Variants in SLC12A2 observed in about 807,000 individuals in gnomAD.
The protein encoded by SLC12A2 is Na-K-2Cl cotransporter 1.
A neutral mutation model predicts 136.3 loss-of-function variants in SLC12A2; 67 were observed. The ratio of observed to expected loss-of-function variants is 0.49; its 90% CI spans 0.40 to 0.60. The LOEUF is 0.60. Among genes scored for constraint, SLC12A2 ranks in the 20% least tolerant of loss-of-function variants. The pLI, the probability that SLC12A2 is intolerant of heterozygous loss-of-function variation, is 0.00. For synonymous variants in SLC12A2, 619 were observed against 562.9 expected, an observed-to-expected ratio of 1.10 and a Z score of -1.41; for missense variants, 1,322 against 1,534.7, an observed-to-expected ratio of 0.86 and a Z score of 2.32.
At chr5:128,130,780 C>T (rs528471337) in intron 4 of SLC12A2, among the ~76,000 whole-genome samples, 187 of 152,000 alleles carry the variant, frequency 1.2e-3, no homozygotes, top group Admixed American at 2.0e-3. Flanking sequence ...GGGGAGGAGG[C>T]TGTGGCCCAT....
At chr5:128,181,091 C>T in intron 23 of SLC12A2, 97 bp downstream of exon 23, 1 of 806,514 alleles carries the variant, frequency 1.2e-6, no homozygotes, top group East Asian at 2.5e-5. Context: ...CAGAAAATGT[C>T]TATTATCTTG....
At chr5:128,154,219 AG>A (rs1762801545) in intron 15 of SLC12A2, among the ~76,000 whole-genome samples, 1 of 152,102 alleles carries the variant, frequency 6.6e-6, no homozygotes, top group African/African-American at 2.4e-5. Context: ...GGAGACCAGC[AG>A]TTTGAGACCA....
Position 128,151,386 on chromosome 5 carries a change from C to T in SLC12A2, c.2253C>T (p.Tyr751=). 3 of 1,606,218 alleles carry T rather than the reference C, an allele frequency of 1.9e-6. No homozygotes were observed. The highest frequency in any genetic ancestry group is 2.5e-6 in the Non-Finnish European group (3 of 1,177,834). ...TTGGGCTGTATATTTATGTTACCTA[C>T]AAAAAACCAGGTCAGTAGCCTTTTT... ...IVLGLYIYVT[Y]KKPDVNWGSS... Residue 751 remains tyrosine, a synonymous_variant, in exon 14 of 27, where the codon TAC becomes TAT. Coordinates refer to ENST00000262461, the MANE Select transcript of SLC12A2 (RefSeq NM_001046.3).
chr5:128,168,045 G>T, intron 18 of SLC12A2, 178 bp downstream of exon 18: 2 of 486,696 alleles, frequency 4.1e-6, no homozygotes, highest in Admixed American at 3.9e-5. Context: ...ATTTTTTATT[G>T]ATCTTTATAT....
At chr5:128,113,359 A>G (rs918162925) in intron 2 of SLC12A2, among the ~76,000 whole-genome samples, 2 of 152,198 alleles carry the variant, frequency 1.3e-5, no homozygotes, top group Non-Finnish European at 2.9e-5. Context: ...AGAGAAGCGT[A>G]TGGAAGTTAA....
chr5:128,123,964 A>C (rs1761684439), intron 4 of SLC12A2, among the ~76,000 whole-genome samples: 1 of 152,140 alleles, frequency 6.6e-6, no homozygotes, highest in African/African-American at 2.4e-5. Context: ...TTTTGTATAT[A>C]TTGTGAAATG....
intron 1 of SLC12A2, among the ~76,000 whole-genome samples, chr5:128,087,515 G>C (rs1760145340): frequency 6.6e-6 from 1 of 152,198 alleles, no homozygotes; most frequent in Non-Finnish European, 1.5e-5. Flanking sequence ...AGGGTAAGTT[G>C]ATGATTGGGT....
chr5:128,094,878 G>A (rs1581051947), intron 1 of SLC12A2, among the ~76,000 whole-genome samples: 1 of 152,026 alleles, frequency 6.6e-6, no homozygotes, highest in East Asian at 1.9e-4. Context: ...AGTTACTTGA[G>A]TCACATTTTA....
chr5:128,170,670 A>AT (rs1187084304), intron 18 of SLC12A2: 3 of 152,190 alleles, frequency 2.0e-5, no homozygotes, highest in African/African-American at 7.2e-5. Context: ...GGAATTTAAA[A>AT]TTTTTTCAGT....
chr5:128,178,839 C>G (rs1763613781), intron 22 of SLC12A2, 150 bp downstream of exon 22: 1 of 513,438 alleles, frequency 1.9e-6, no homozygotes, highest in South Asian at 4.1e-5. Flanking sequence ...TCAGGCACAG[C>G]CTTTAGTTGT....
rs770495694 is a variant in SLC12A2, at chr5:128,184,841, C to G, written c.3488C>G (p.Ala1163Gly). 6.2e-7 allele frequency: 1 copy of G among 1,602,370 alleles called. No homozygotes were observed. The highest frequency in any genetic ancestry group is 8.5e-7 in the Non-Finnish European group (1 of 1,169,810). The change falls in exon 26 of 27, where the codon GCT becomes GGT. Residue 1163 changes from alanine (A) to glycine (G), a missense_variant. By Grantham distance (60) the Ala-to-Gly change is moderately conservative. Coordinates refer to ENST00000262461, the MANE Select transcript of SLC12A2 (RefSeq NM_001046.3). ...TTATTAAAGGAACATTCAAGCACAGCTAATATTATTGTCATGTAAGTAATA... is the reference window on the plus strand; with the variant it reads ...TTATTAAAGGAACATTCAAGCACAGGTAATATTATTGTCATGTAAGTAATA... ...NELLKEHSST[A>G]NIIVMSLPVA...
At position 128,152,779 on chromosome 5, in the gene SLC12A2, A is replaced by T; in HGVS notation, c.2337A>T (p.Gly779=). Residue 779 remains glycine, a synonymous_variant, in exon 15 of 27, where the codon GGA becomes GGT. Transcript: ENST00000262461. ...NALQHSIRLS[G]VEDHVKNFRP... ...TGCAGCATTCAATTCGTCTTTCTGG[A>T]GTGGAAGACCACGTGAAAAACTTTA... 6.2e-7 allele frequency: 1 copy of T among 1,612,796 alleles called. No individual in the cohort carries two copies. Among genetic ancestry groups the T allele is most frequent in the Non-Finnish European group, 8.5e-7 (1 of 1,178,826 alleles).
chr5:128,109,618 T>C lies in SLC12A2; in HGVS notation c.757-3196T>C, dbSNP rs1761071286. The C allele has an allele frequency of 3.9e-6, 3 of 763,534 alleles. No individual in the cohort carries two copies. The South Asian group carries it at 4.2e-5, about 11-fold the overall frequency. 47.3% of individuals were successfully genotyped at this position (763,534 alleles called of 1,614,324 possible). A position where few individuals can be genotyped will look rare whatever the true frequency, so the allele number is the denominator to read the frequency against. ...GGTTAAAAGCAGACATCGTCCTTCC[T>C]ACCCAGTATTTCTATATTCAGACAG... On this transcript the variant is annotated intron_variant, in intron 1 of 26. Transcript: ENST00000262461.
chr5:128,176,084 AGTT>A (rs1024623362), intron 20 of SLC12A2, among the ~76,000 whole-genome samples: 7 of 152,072 alleles, frequency 4.6e-5, no homozygotes, highest in African/African-American at 1.7e-4. Context: ...ATTAGTGTGT[AGTT>A]GTTATAAATC....
At chr5:128,140,706 C>T (rs559723827) in intron 9 of SLC12A2, among the ~76,000 whole-genome samples, 13 of 150,214 alleles carry the variant, frequency 8.7e-5, no homozygotes, top group Admixed American at 2.6e-4. Context: ...CCTTCCCCCC[C>T]CAAAAAATTT....
At chr5:128,157,156 T>C (rs1465365143) in intron 15 of SLC12A2, among the ~76,000 whole-genome samples, 1 of 152,212 alleles carries the variant, frequency 6.6e-6, no homozygotes, top group Non-Finnish European at 1.5e-5. Flanking sequence ...AAGTCGGAAA[T>C]TGTAGTCTGC....
At chr5:128,184,224 C>G (rs1192512477) in intron 24 of SLC12A2, 142 bp from the exon 25 acceptor site, 1 of 503,176 alleles carries the variant, frequency 2.0e-6, no homozygotes, top group South Asian at 4.5e-5. Context: ...AATTGCCAAA[C>G]TGATTATTAT....
In SLC12A2 at chr5:128,083,865, C is replaced by G; in HGVS notation, c.-90C>G. On this transcript the variant is annotated 5_prime_UTR_variant, in exon 1 of 27. Transcript: ENST00000262461. ...AGAAAGACTCTCTCACCTGGTCTTG[C>G]GGCTGTGGCCACCGCCGGCCAGGGG... 3.0e-6 allele frequency: 3 copies of G among 993,092 alleles called. No individual in the cohort carries two copies. The highest frequency in any genetic ancestry group is 3.9e-6 in the Non-Finnish European group (3 of 775,918). 61.5% of individuals were successfully genotyped at this position (993,092 alleles called of 1,614,324 possible).
chr5:128,096,104 A>G (rs545708480), intron 1 of SLC12A2, among the ~76,000 whole-genome samples: 52 of 152,276 alleles, frequency 3.4e-4, no homozygotes, highest in African/African-American at 5.3e-4. Context: ...GGTAGTTGAC[A>G]GATGGACAGA....
Sources: allele counts gnomAD v4.1 joint callset (sites outside exome capture counted in the v4.1 genomes callset), GRCh38; gene constraint gnomAD v4.1.1; transcripts MANE v1.5; gene names NCBI Gene and HGNC (gene_info 2026-07-23, HGNC 2026-07-21).